The following UBQLN1 variants were observed in gnomAD, a reference collection of about 807,000 sequenced individuals.
UBQLN1 encodes ubiquilin 1.
In UBQLN1, 13 loss-of-function variants were observed where a neutral mutation model predicts 65.4. The observed-to-expected ratio is 0.20, with a 90% CI of 0.13 to 0.32. UBQLN1 has a LOEUF of 0.32. Among genes scored for constraint, UBQLN1 ranks in the 10% least tolerant of loss-of-function variants. UBQLN1 has a pLI of 1.00. For missense variants in UBQLN1, 561 were observed against 724.0 expected, an observed-to-expected ratio of 0.77 and a Z score of 2.58; for synonymous variants, 267 against 247.8, an observed-to-expected ratio of 1.08 and a Z score of -0.73.
intron 1 of UBQLN1, among the ~76,000 whole-genome samples, chr9:83,698,187 G>C (rs1832252453): frequency 6.6e-6 from 1 of 152,174 alleles, no homozygotes; most frequent in African/African-American, 2.4e-5. Context: ...CATTTGCAAA[G>C]GTTCAAAAAG....
intron 7 of UBQLN1, 148 bp downstream of exon 7, chr9:83,669,037 C>G (rs961513151): frequency 2.3e-6 from 2 of 877,080 alleles, no homozygotes; most frequent in Non-Finnish European, 3.3e-6. Flanking sequence ...AAGAAACACA[C>G]GGTCTAAAAA....
chr9:83,668,224 C>G, intron 7 of UBQLN1: 1 of 984,904 alleles, frequency 1.0e-6, no homozygotes, highest in Non-Finnish European at 1.2e-6. Flanking sequence ...TTGGTGAGGG[C>G]ATAAGTTATT....
chr9:83,676,590 T>G (rs916185174), intron 6 of UBQLN1, among the ~76,000 whole-genome samples: 28 of 152,230 alleles, frequency 1.8e-4, no homozygotes, highest in African/African-American at 6.8e-4. Context: ...ACCTATATTA[T>G]AAACATAAAT....
In UBQLN1 at chr9:83,707,831, G is replaced by A; in HGVS notation, c.-152C>T. The stretch of plus-strand genomic sequence containing the variant: ...GCAACGGGCGCAGGGCCACCGTAGC[G>A]GGTGTGGGGCCCCGGAGCTCGGTGC... On this transcript the variant is annotated 5_prime_UTR_variant, in exon 1 of 11. Transcript: ENST00000376395. The A allele has an allele frequency of 4.1e-6, 5 of 1,229,596 alleles. No homozygotes were observed. Among genetic ancestry groups the A allele is most frequent in the East Asian group, 3.0e-5 (1 of 32,806 alleles). 76.2% of individuals were successfully genotyped at this position (1,229,596 alleles called of 1,614,324 possible). A position where few individuals can be genotyped will look rare whatever the true frequency, so the allele number is the denominator to read the frequency against.
chr9:83,667,545 T>C, intron 7 of UBQLN1: 2 of 985,436 alleles, frequency 2.0e-6, no homozygotes, highest in Non-Finnish European at 2.4e-6. Flanking sequence ...AAGTGACCAG[T>C]AAGTTCACAG....
At chr9:83,667,897 T>C in intron 7 of UBQLN1, 19 of 976,828 alleles carry the variant, frequency 1.9e-5, no homozygotes, top group Non-Finnish European at 2.2e-5. Flanking sequence ...CATGCCAATC[T>C]AGTACTAGCA....
At chr9:83,662,310 ACAC>A (rs1412178505) in intron 10 of UBQLN1, among the ~76,000 whole-genome samples, 26 of 150,070 alleles carry the variant, frequency 1.7e-4, no homozygotes, top group Non-Finnish European at 1.0e-4. Flanking sequence ...ACACACACAC[ACAC>A]AGATAGTTCA....
intron 7 of UBQLN1, chr9:83,667,441 C>T: frequency 2.1e-6 from 2 of 966,816 alleles, no homozygotes; most frequent in Non-Finnish European, 2.5e-6. Context: ...GAAAATTCGC[C>T]CCAATTCTTG....
rs1390486000 is a variant in UBQLN1 at position 83,679,912 on chromosome 9, T to A, written c.574A>T (p.Asn192Tyr). The change falls in exon 4 of 11, where the codon AAT (asparagine) becomes TAT (tyrosine). Residue 192 changes from asparagine to tyrosine, a missense_variant. Physicochemically the swap from Asn to Tyr is moderately radical, Grantham distance 143. Around this residue, in one of 8 missense-constraint regions of UBQLN1, gnomAD observed 87 missense variants for 88.8 expected, o/e 0.98. Coordinates refer to ENST00000376395, the MANE Select transcript of UBQLN1 (RefSeq NM_013438.5). ...NPEMMVQIME[N>Y]PFVQSMLSNP... The stretch of plus-strand genomic sequence containing the variant: ...GAGAGCATGCTCTGAACAAAGGGAT[T>A]TTCCATGATCTGGACCATCATTTCA... 1.2e-6 allele frequency: 2 copies of A among 1,614,040 alleles called. No homozygotes were observed. The highest frequency in any genetic ancestry group is 2.7e-5 in the African/African-American group (2 of 74,914).
chr9:83,685,909 T>A, intron 2 of UBQLN1, 95 bp downstream of exon 2: 1 of 1,120,132 alleles, frequency 8.9e-7, no homozygotes, highest in Non-Finnish European at 1.2e-6. Flanking sequence ...TAAATATTAA[T>A]GACAGGGAAA....
chr9:83,696,988 CT>C (rs1832226597), intron 1 of UBQLN1, among the ~76,000 whole-genome samples: 2 of 152,130 alleles, frequency 1.3e-5, no homozygotes, highest in African/African-American at 4.8e-5. Flanking sequence ...GTTGCCCAGG[CT>C]GGCGTGGAAC....
At chr9:83,671,646 T>A (rs1469148364) in intron 6 of UBQLN1, among the ~76,000 whole-genome samples, 1 of 152,134 alleles carries the variant, frequency 6.6e-6, no homozygotes, top group Non-Finnish European at 1.5e-5. Context: ...TGTAAACAGA[T>A]GTGCTGTCAT....
intron 1 of UBQLN1, among the ~76,000 whole-genome samples, chr9:83,703,620 T>C (rs569742132): frequency 6.6e-6 from 1 of 152,312 alleles, no homozygotes; most frequent in East Asian, 1.9e-4. Context: ...TCTCTATTAA[T>C]GACAGCACCT....
chr9:83,682,874 T>A, intron 3 of UBQLN1, 77 bp downstream of exon 3: 1 of 671,330 alleles, frequency 1.5e-6, no homozygotes. Flanking sequence ...TTTTATTTTC[T>A]CATTTTATCT....
At chr9:83,671,175 T>C (rs1196484021) in intron 6 of UBQLN1, among the ~76,000 whole-genome samples, 3 of 152,176 alleles carry the variant, frequency 2.0e-5, no homozygotes, top group Non-Finnish European at 2.9e-5. Flanking sequence ...CCACTACTTC[T>C]ACAGTCCCCT....
rs772870827 is a variant in UBQLN1 at position 83,665,035 on chromosome 9, G to A, written c.1443C>T (p.Ile481=). Residue 481 remains isoleucine (I), a synonymous_variant, in exon 9 of 11, where the codon ATC becomes ATT. Transcript: ENST00000376395. ...QTLATEAPGL[I]PGFTPGLGAL... is the part of the protein sequence containing the mutation. ...TCTTCCCCAAATAAGCCTACCCTGG[G>A]ATGAGGCCCGGGGCTTCCGTTGCTA... The A allele has an allele frequency of 2.5e-6, 4 of 1,610,698 alleles. No individual in the cohort carries two copies. Among genetic ancestry groups the A allele is most frequent in the Non-Finnish European group, 3.4e-6 (4 of 1,178,334 alleles).
At chr9:83,669,113 A>G (rs1831689412) in intron 7 of UBQLN1, 72 bp downstream of exon 7, 5 of 1,538,030 alleles carry the variant, frequency 3.3e-6, no homozygotes, top group Non-Finnish European at 4.4e-6. Flanking sequence ...AAATGTGCCA[A>G]AATCACAATT....
At position 83,660,066 on chromosome 9, in the gene UBQLN1, A is replaced by G. The variant is rs1407384168; in HGVS notation, c.*1721T>C. 6.6e-6 allele frequency: 1 copy of G among 152,236 alleles called. No individual in the cohort carries two copies. The highest frequency in any genetic ancestry group is 1.5e-5 in the Non-Finnish European group (1 of 68,044). The allele number at this position is 152,236 out of a possible 1,614,324, so 9.4% of individuals were successfully genotyped here. A position where few individuals can be genotyped will look rare whatever the true frequency, so the allele number is the denominator to read the frequency against. ...GAATACCACCATTTGCCAGTACAGAAGTTTTTAAACCAAACTGAGGCATAA... is the reference window on the plus strand; with the variant it reads ...GAATACCACCATTTGCCAGTACAGAGGTTTTTAAACCAAACTGAGGCATAA... On this transcript the variant is annotated 3_prime_UTR_variant, in exon 11 of 11. Transcript: ENST00000376395.
Position 83,678,554 on chromosome 9 carries a change from T to G in UBQLN1, c.757A>C (p.Arg253=). The part of the protein sequence containing the change: ...RNPAMMQEMM[R]NQDRALSNLE... ...TTGCTCAAAGCTCGGTCCTGGTTCC[T>G]CATCATCTCCTGCATCATTGCTGGA... The change falls in exon 5 of 11, where the codon AGG becomes CGG. Residue 253 remains arginine (R), a synonymous_variant. Coordinates refer to ENST00000376395, the MANE Select transcript of UBQLN1 (RefSeq NM_013438.5). The G allele has an allele frequency of 1.2e-6, 2 of 1,613,706 alleles. No individual in the cohort carries two copies. Among genetic ancestry groups the G allele is most frequent in the Non-Finnish European group, 1.7e-6 (2 of 1,179,860 alleles).
Sources: allele counts gnomAD v4.1 joint callset (sites outside exome capture counted in the v4.1 genomes callset), GRCh38; gene constraint gnomAD v4.1.1; regional missense constraint gnomAD v4.1.1; transcripts MANE v1.5; gene names NCBI Gene and HGNC (gene_info 2026-07-23, HGNC 2026-07-21).